Variants in TBC1D19 observed in about 807,000 individuals in gnomAD.
TBC1D19 encodes the protein TBC1 domain family member 19.
A neutral mutation model predicts 89.0 loss-of-function variants in TBC1D19; 60 were observed. That is an observed-to-expected ratio of 0.67 (90% CI 0.55 to 0.84). The LOEUF (loss-of-function observed/expected upper bound fraction) is 0.84. Ranked by LOEUF, TBC1D19 falls within the 40% of genes least tolerant of loss-of-function variation. The pLI, the probability that TBC1D19 is intolerant of heterozygous loss-of-function variation, is 0.00. For missense variants in TBC1D19, 500 were observed against 610.8 expected, an observed-to-expected ratio of 0.82 and a Z score of 1.91; for synonymous variants, 189 against 199.7, an observed-to-expected ratio of 0.95 and a Z score of 0.45.
At chr4:26,728,275 T>A (rs1717432290) in intron 15 of TBC1D19, among the ~76,000 whole-genome samples, 1 of 152,206 alleles carries the variant, frequency 6.6e-6, no homozygotes, top group South Asian at 2.1e-4. Context: ...TGTCAGGTTT[T>A]TATATAATAG....
the TBC1D19 span, among the ~76,000 whole-genome samples, chr4:26,821,507 G>C: frequency 6.6e-6 from 1 of 152,226 alleles, no homozygotes; most frequent in African/African-American, 2.4e-5. Context: ...AGTACTCCTT[G>C]TGTGTTTGAG....
Position 26,659,644 on chromosome 4 carries a change from T to C in TBC1D19, c.528T>C (p.Leu176=), listed in dbSNP as rs1745093902. 1 of 1,594,550 alleles carries C rather than the reference T, an allele frequency of 6.3e-7. No individual in the cohort carries two copies. The highest frequency in any genetic ancestry group is 1.3e-5 in the African/African-American group (1 of 74,868). Residue 176 remains leucine (L), a synonymous_variant, in exon 8 of 21, where the codon CTT becomes CTC. Transcript: ENST00000264866. ...RNPNYENGDS[L]SFRTHLGLIQ... ...CAAATTATGAAAACGGTGATTCTCT[T>C]AGTTTCAGGACTCATTTGGGTTTAA...
At chr4:26,715,895 C>A (rs978532836) in intron 13 of TBC1D19, among the ~76,000 whole-genome samples, 2 of 152,014 alleles carry the variant, frequency 1.3e-5, no homozygotes, top group African/African-American at 4.8e-5. Context: ...TTAGTGAAAG[C>A]CACTGTCAAT....
chr4:26,837,462 G>A, the TBC1D19 span, among the ~76,000 whole-genome samples: 1 of 152,200 alleles, frequency 6.6e-6, no homozygotes, highest in Non-Finnish European at 1.5e-5. Flanking sequence ...TGGAAGGTAG[G>A]GCCCCTAGGA....
At chr4:26,584,445 AAAAACAAAAAC>A (rs952127466) in intron 1 of TBC1D19, among the ~76,000 whole-genome samples, 153 bp downstream of exon 1, 2 of 151,704 alleles carry the variant, frequency 1.3e-5, no homozygotes, top group African/African-American at 2.4e-5. Flanking sequence ...AAACAAAAAC[AAAAACAAAAAC>A]AAAACAAAAC....
intron 19 of TBC1D19, among the ~76,000 whole-genome samples, chr4:26,752,716 T>A (rs1719036890): frequency 6.6e-6 from 1 of 152,226 alleles, no homozygotes; most frequent in Admixed American, 6.5e-5. Flanking sequence ...TTCTGTTGTT[T>A]ATGACTCACT....
intron 20 of TBC1D19, 55 bp downstream of exon 20, chr4:26,753,945 G>C (rs1182631914): frequency 6.2e-7 from 1 of 1,600,972 alleles, no homozygotes; most frequent in Admixed American, 1.7e-5. Context: ...AGATTGCCAG[G>C]CTGTCATTTT....
chr4:26,729,580 G>A (rs1717524792), intron 15 of TBC1D19, among the ~76,000 whole-genome samples: 3 of 152,106 alleles, frequency 2.0e-5, no homozygotes, highest in Admixed American at 2.0e-4. Flanking sequence ...GGTTTTGATG[G>A]CTAAATAGAA....
At chr4:26,810,483 C>T in the TBC1D19 span, among the ~76,000 whole-genome samples, 1 of 152,206 alleles carries the variant, frequency 6.6e-6, no homozygotes, top group Non-Finnish European at 1.5e-5. Flanking sequence ...CTCTTCTCCC[C>T]ATCCAGCTTG....
chr4:26,834,731 G>A, the TBC1D19 span, among the ~76,000 whole-genome samples: 1 of 152,208 alleles, frequency 6.6e-6, no homozygotes, highest in Non-Finnish European at 1.5e-5. Flanking sequence ...CATCCATTGA[G>A]GGATGATGTT....
chr4:26,585,342 A>G (rs1739347617), intron 1 of TBC1D19, among the ~76,000 whole-genome samples: 1 of 152,082 alleles, frequency 6.6e-6, no homozygotes, highest in South Asian at 2.1e-4. Context: ...TTAATTAATT[A>G]TACTTCTCTA....
intron 13 of TBC1D19, among the ~76,000 whole-genome samples, chr4:26,710,104 A>C (rs529118842): frequency 9.1e-4 from 139 of 152,010 alleles, no homozygotes; most frequent in Non-Finnish European, 1.2e-3. Flanking sequence ...ATATGTATAC[A>C]TGTGCCATGT....
chr4:26,744,892 A>G (rs1478914767), intron 18 of TBC1D19, among the ~76,000 whole-genome samples: 1 of 152,166 alleles, frequency 6.6e-6, no homozygotes, highest in African/African-American at 2.4e-5. Context: ...GTTAATAATG[A>G]TGTTCAAACC....
At chr4:26,636,318 T>C (rs11733702) in intron 4 of TBC1D19, among the ~76,000 whole-genome samples, 68,898 of 151,364 alleles carry the variant, frequency 0.46, 17,455 homozygotes, top group Admixed American at 0.6. Flanking sequence ...TAAAATATGG[T>C]ATTTATGGAT....
chr4:26,600,745 G>A (rs1193211493), intron 1 of TBC1D19, among the ~76,000 whole-genome samples: 2 of 152,168 alleles, frequency 1.3e-5, no homozygotes, highest in Non-Finnish European at 2.9e-5. Context: ...AGAAACCAGA[G>A]CAGGGCTGAA....
the TBC1D19 span, among the ~76,000 whole-genome samples, chr4:26,843,828 T>C: frequency 6.6e-6 from 1 of 152,078 alleles, no homozygotes; most frequent in African/African-American, 2.4e-5. Flanking sequence ...TGGAGAGCTT[T>C]TACCCATGAC....
At chr4:26,696,376 CAA>C (rs761138613) in intron 13 of TBC1D19, among the ~76,000 whole-genome samples, 4 of 152,176 alleles carry the variant, frequency 2.6e-5, no homozygotes, top group Non-Finnish European at 5.9e-5. Flanking sequence ...TAGAGATCTA[CAA>C]AGAGACTTAG....
the TBC1D19 span, among the ~76,000 whole-genome samples, chr4:26,799,865 AC>A: frequency 0.017 from 2,530 of 152,310 alleles, 62 homozygotes; most frequent in African/African-American, 0.053. Flanking sequence ...CAATAGGTAA[AC>A]ACTAGCTTGG....
chr4:26,644,364 A>C (rs1035676175), intron 7 of TBC1D19, among the ~76,000 whole-genome samples: 5 of 152,224 alleles, frequency 3.3e-5, no homozygotes, highest in Non-Finnish European at 7.3e-5. Flanking sequence ...CCTTCGACAA[A>C]ATTCAACAGC....
Sources: gnomAD v4.1 joint callset for allele counts (sites outside exome capture counted in the v4.1 genomes callset) on GRCh38, gnomAD v4.1.1 for gene constraint, MANE v1.5 for transcripts, NCBI Gene and HGNC (gene_info 2026-07-23, HGNC 2026-07-21) for gene names.